SLC7A11: variants seen among roughly 807,000 people sequenced by gnomAD.
SLC7A11 encodes the protein cystine/glutamate transporter.
SLC7A11 carries 35 observed loss-of-function variants against 54.5 expected under a neutral mutation model. That is an observed-to-expected ratio of 0.64 (90% CI 0.49 to 0.85). SLC7A11 has a LOEUF of 0.85. SLC7A11 is among the 40% of genes least tolerant of loss of function. The pLI is 0.00. For synonymous variants in SLC7A11, 230 were observed against 225.2 expected, an observed-to-expected ratio of 1.02 and a Z score of -0.19; for missense variants, 583 against 618.1, an observed-to-expected ratio of 0.94 and a Z score of 0.60.
At position 138,164,994 on chromosome 4, in the gene SLC7A11, T is replaced by A. The variant is rs1163033369; in HGVS notation, c.*6962A>T. ...GACTTTCCCACTGGGCTAAATGGAC[T>A]CCACTTGTTGCAAATTATAAATGCT... On this transcript the variant is annotated 3_prime_UTR_variant, in exon 12 of 12. Transcript: ENST00000280612. 6.6e-6 allele frequency: 1 copy of A among 152,164 alleles called. No individual in the cohort carries two copies. Among genetic ancestry groups the A allele is most frequent in the East Asian group, 1.9e-4 (1 of 5,196 alleles). 9.4% of individuals were successfully genotyped at this position (152,164 alleles called of 1,614,324 possible).
intron 6 of SLC7A11, among the ~76,000 whole-genome samples, chr4:138,207,315 G>A (rs942622768): frequency 1.3e-5 from 2 of 152,014 alleles, no homozygotes; most frequent in East Asian, 1.9e-4. Flanking sequence ...GCTGTAATCT[G>A]CACATATACA....
intron 1 of SLC7A11, among the ~76,000 whole-genome samples, 197 bp downstream of exon 1, chr4:138,241,596 A>G (rs1560744746): frequency 6.6e-6 from 1 of 152,198 alleles, no homozygotes; most frequent in South Asian, 2.1e-4. Context: ...GCCTGTAGGA[A>G]GCAATTTGAG....
chr4:138,181,718 T>C lies in SLC7A11; in HGVS notation c.1116+579A>G, dbSNP rs541358490. The stretch of plus-strand genomic sequence containing the variant: ...TTGAGGACTTTTACACCTCATACAG[T>C]CTTTTGTAGCTCACATTTCACACTT... On this transcript the variant is annotated intron_variant, in intron 9 of 11. Transcript: ENST00000280612. Among the ~76,000 whole-genome samples the C allele has an allele frequency of 2.0e-5, 3 of 152,190 alleles. No individual in the cohort carries two copies. The South Asian group carries it at 6.2e-4, about 32-fold the overall frequency.
At chr4:138,225,193 C>T (rs1164449708) in intron 3 of SLC7A11, among the ~76,000 whole-genome samples, 1 of 140,172 alleles carries the variant, frequency 7.1e-6, no homozygotes, top group African/African-American at 2.6e-5. Flanking sequence ...TTACATTGTA[C>T]ACCCTAAAAT....
At position 138,242,184 on chromosome 4, in the gene SLC7A11, C is replaced by G. The variant is rs115062143; in HGVS notation, c.-115G>C. 1.6e-3 allele frequency: 2,004 copies of G among 1,236,180 alleles called. 26 individuals are homozygous for G. The African/African-American group carries it at 0.025, about 15-fold the overall frequency. The allele number at this position is 1,236,180 out of a possible 1,614,324, so 76.6% of individuals were successfully genotyped here. On this transcript the variant is annotated 5_prime_UTR_variant, in exon 1 of 12. Transcript: ENST00000280612. Reference sequence around the variant, plus strand: ...TCCTCTGCTTTCAGACTGTCTCTCTCAGCGCTATAGTGTTCACAGGTGAAA... The same window carrying G: ...TCCTCTGCTTTCAGACTGTCTCTCTGAGCGCTATAGTGTTCACAGGTGAAA...
At chr4:138,182,223 T>TACTTTA (rs1736759452) in intron 9 of SLC7A11, 74 bp downstream of exon 9, 2 of 920,394 alleles carry the variant, frequency 2.2e-6, no homozygotes, top group Admixed American at 1.8e-5. Flanking sequence ...TACTATCTAA[T>TACTTTA]GTCTGGTTGG....
At position 138,183,298 on chromosome 4, in the gene SLC7A11, G is replaced by T; in HGVS notation, c.923C>A (p.Ser308Tyr). The change falls in exon 8 of 12, where the codon TCT becomes TAT. Residue 308 changes from serine to tyrosine, a missense_variant. Coordinates refer to ENST00000280612, the MANE Select transcript of SLC7A11 (RefSeq NM_014331.4). The part of the protein sequence containing the change: ...LLSNAVAVTF[S>Y]ERLLGNFSLA... ...TGAGAAATTTCCCAGTAGCCGCTCA[G>T]AAAAGGTCTAGTGAAAGAAAGAACG... is the stretch of plus-strand genomic sequence containing the variant. The T allele has an allele frequency of 6.2e-7, 1 of 1,608,572 alleles. No homozygotes were observed. The highest frequency in any genetic ancestry group is 8.5e-7 in the Non-Finnish European group (1 of 1,176,458).
At chr4:138,181,410 G>A (rs994793895) in intron 9 of SLC7A11, among the ~76,000 whole-genome samples, 2 of 152,066 alleles carry the variant, frequency 1.3e-5, no homozygotes, top group African/African-American at 4.8e-5. Context: ...AGTCTCTGCA[G>A]CTGCACATGC....
chr4:138,172,106 CA>C, intron 11 of SLC7A11, 89 bp from the exon 12 acceptor site: 1 of 1,283,960 alleles, frequency 7.8e-7, no homozygotes, highest in South Asian at 1.5e-5. Flanking sequence ...GGTTGAATAC[CA>C]AAAACACACA....
In SLC7A11 at chr4:138,242,053, A is replaced by G. The variant is rs763081007; in HGVS notation, c.17T>C (p.Val6Ala). The G allele has an allele frequency of 8.7e-6, 14 of 1,613,958 alleles. 1 individual carries two copies. The South Asian group carries it at 1.5e-4, about 18-fold the overall frequency. MVRKP[V>A]VSTISKGGYL... ...ACCTCCTTTGGAGATGGTGGACACAACAGGCTTTCTGACCATAGTAGGGAC... is the reference window on the plus strand; with the variant it reads ...ACCTCCTTTGGAGATGGTGGACACAGCAGGCTTTCTGACCATAGTAGGGAC... The change falls in exon 1 of 12, where the codon GTT becomes GCT. Residue 6 changes from valine to alanine, a missense_variant. Transcript: ENST00000280612.
chr4:138,192,273 C>T (rs1206586706), intron 6 of SLC7A11, among the ~76,000 whole-genome samples: 2 of 152,090 alleles, frequency 1.3e-5, no homozygotes, highest in African/African-American at 4.8e-5. Flanking sequence ...CTCATTCTTG[C>T]AAACAGAATG....
intron 3 of SLC7A11, among the ~76,000 whole-genome samples, chr4:138,225,149 T>TATATATATATATAC (rs1432410704): frequency 2.3e-5 from 3 of 130,192 alleles, no homozygotes; most frequent in Admixed American, 2.2e-4. Flanking sequence ...TATATATATA[T>TATATATATATATAC]ATATATATAT....
intron 2 of SLC7A11, among the ~76,000 whole-genome samples, chr4:138,233,261 T>C (rs943222325): frequency 1.5e-4 from 22 of 151,626 alleles, no homozygotes; most frequent in African/African-American, 5.3e-4. Context: ...CTCAGCTCAC[T>C]GCAACCTCCG....
At chr4:138,223,053 T>C (rs1172169343) in intron 4 of SLC7A11, 146 bp downstream of exon 4, 3 of 672,030 alleles carry the variant, frequency 4.5e-6, no homozygotes, top group African/African-American at 3.6e-5. Flanking sequence ...TGTAGCAGCC[T>C]TTCAAATCAA....
At chr4:138,210,444 A>G (rs1388688344) in intron 6 of SLC7A11, among the ~76,000 whole-genome samples, 3 of 152,104 alleles carry the variant, frequency 2.0e-5, no homozygotes, top group Admixed American at 2.0e-4. Flanking sequence ...AACTATCAAC[A>G]GAGTAAACAG....
chr4:138,218,587 T>C (rs760678104), intron 5 of SLC7A11, among the ~76,000 whole-genome samples: 2 of 152,182 alleles, frequency 1.3e-5, no homozygotes, highest in Non-Finnish European at 2.9e-5. Flanking sequence ...TTTAATGCCT[T>C]AACTAGAAAG....
chr4:138,234,392 T>C (rs1308723893), intron 2 of SLC7A11, among the ~76,000 whole-genome samples: 1 of 152,208 alleles, frequency 6.6e-6, no homozygotes, highest in Non-Finnish European at 1.5e-5. Flanking sequence ...AATATTTACA[T>C]ACTTAGATAT....
At chr4:138,203,054 T>C (rs1737325229) in intron 6 of SLC7A11, among the ~76,000 whole-genome samples, 3 of 152,068 alleles carry the variant, frequency 2.0e-5, no homozygotes, top group African/African-American at 7.2e-5. Context: ...ACCACACTTA[T>C]AAGAAAAAGG....
At chr4:138,172,837 CTTTT>C (rs974329897) in intron 11 of SLC7A11, among the ~76,000 whole-genome samples, 7 of 152,150 alleles carry the variant, frequency 4.6e-5, no homozygotes, top group Admixed American at 4.6e-4. Flanking sequence ...TTGTTTGCCT[CTTTT>C]TTTGTTTTGT....
Sources: allele counts gnomAD v4.1 joint callset (sites outside exome capture counted in the v4.1 genomes callset), GRCh38; gene constraint gnomAD v4.1.1; transcripts MANE v1.5; gene names NCBI Gene and HGNC (gene_info 2026-07-23, HGNC 2026-07-21).